MAP3K15: variants seen among roughly 807,000 people sequenced by gnomAD.
MAP3K15 encodes mitogen-activated protein kinase kinase kinase 15.
Under a neutral mutation model 99.5 loss-of-function variants are expected in MAP3K15, and 124 were observed. That is an observed-to-expected ratio of 1.25 (90% CI 1.08 to 1.45). The LOEUF (loss-of-function observed/expected upper bound fraction) is 1.45, where lower values mean the gene tolerates loss of function less well. Ranked by LOEUF, MAP3K15 falls within the 40% of genes most tolerant of loss-of-function variation. The probability of loss-of-function intolerance (pLI) is 0.00; values close to 1 mark genes in which losing one functional copy is unlikely to be tolerated. For synonymous variants in MAP3K15, 494 were observed against 439.6 expected (o/e 1.12, Z -1.55); for missense variants, 1,242 against 1,079.7 (o/e 1.15, Z -2.11).
At chrX:19,416,158 C>T (rs2063732710) in intron 9 of MAP3K15, among the ~76,000 whole-genome samples, 1 of 111,277 alleles carries the variant, frequency 9.0e-6, no homozygotes, top group Non-Finnish European at 1.9e-5. Flanking sequence ...TGGTGAAATC[C>T]TGTCTCTACT....
chrX:19,447,745 G>A (rs758187711), intron 6 of MAP3K15, among the ~76,000 whole-genome samples: 109 of 95,589 alleles, frequency 1.1e-3, no homozygotes, highest in Non-Finnish European at 1.8e-3. Context: ...TTAGCCGGGC[G>A]TAGTGGCGGG....
chrX:19,447,019 G>C (rs945387208), intron 6 of MAP3K15, among the ~76,000 whole-genome samples: 1 of 110,829 alleles, frequency 9.0e-6, no homozygotes, highest in Non-Finnish European at 1.9e-5. Flanking sequence ...GGGCTCATGC[G>C]CTACTCCTGC....
intron 4 of MAP3K15, among the ~76,000 whole-genome samples, chrX:19,463,327 T>G (rs1425723808): frequency 1.8e-5 from 2 of 111,655 alleles, no homozygotes; most frequent in Admixed American, 1.9e-4. Flanking sequence ...AACACTACAA[T>G]AGAACACTCC....
At chrX:19,368,528 T>C (rs2063351377) in intron 25 of MAP3K15, among the ~76,000 whole-genome samples, 1 of 112,901 alleles carries the variant, frequency 8.9e-6, no homozygotes, top group Non-Finnish European at 1.9e-5. Context: ...GATGCCAGGG[T>C]TCCCTGGTTG....
In MAP3K15 at chrX:19,431,470, T is replaced by G; in HGVS notation, c.1134A>C (p.Lys378Asn). Residue 378 changes from lysine (K) to asparagine (N), a missense_variant, in exon 7 of 29, where the codon AAA becomes AAC. Transcript: ENST00000338883. ...YKDIFLDSDC[K>N]DDTSRDSAIE... ...TGGCGCTGTCGCGGCTGGTGTCATC[T>G]TTGCAGTCTGAATCCAAGAAGATGT... 8.3e-7 allele frequency: 1 copy of G among 1,200,285 alleles called. No homozygotes were observed.
intron 11 of MAP3K15, 129 bp downstream of exon 11, chrX:19,413,228 T>A: frequency 2.0e-6 from 1 of 490,423 alleles, no homozygotes; most frequent in Non-Finnish European, 3.5e-6. Flanking sequence ...GTCTCTCATC[T>A]GTGATGATAC....
chrX:19,410,821 A>G (rs774878509), intron 11 of MAP3K15, among the ~76,000 whole-genome samples: 11 of 111,859 alleles, frequency 9.8e-5, no homozygotes, highest in African/African-American at 3.6e-4. Context: ...CTGAAACTCC[A>G]GTTTTGGAAA....
At chrX:19,443,589 G>T (rs1387845334) in intron 6 of MAP3K15, among the ~76,000 whole-genome samples, 1 of 112,104 alleles carries the variant, frequency 8.9e-6, no homozygotes, top group East Asian at 2.8e-4. Context: ...GCTTTTCTCA[G>T]AAAGAGACAC....
intron 1 of MAP3K15, chrX:19,497,201 G>A (rs1488511840): frequency 5.2e-5 from 5 of 95,452 alleles, no homozygotes; most frequent in African/African-American, 8.2e-5. Context: ...TCACTCTGTT[G>A]CCCAGGCTGG....
intron 3 of MAP3K15, among the ~76,000 whole-genome samples, chrX:19,471,951 G>A (rs369391483): frequency 1.8e-5 from 2 of 111,680 alleles, no homozygotes; most frequent in East Asian, 2.8e-4. Context: ...GGCCGGGCGC[G>A]GTGGCTCACG....
In MAP3K15 at chrX:19,461,608, A is replaced by G. The variant is rs1056565725; in HGVS notation, c.720-1455T>C. Among the ~76,000 whole-genome samples the G allele has an allele frequency of 3.6e-5, 4 of 112,177 alleles. No individual in the cohort carries two copies. The East Asian group carries it at 1.1e-3, about 31-fold the overall frequency. On this transcript the variant is annotated intron_variant, in intron 4 of 28. Coordinates refer to ENST00000338883, the MANE Select transcript of MAP3K15 (RefSeq NM_001001671.4). ...ATAAGTTGAGTTACAACAACCATAG[A>G]TTGATTTAAAATATCTTGTCTATTT...
chrX:19,402,967 T>C (rs748918194), intron 13 of MAP3K15, among the ~76,000 whole-genome samples: 1 of 111,791 alleles, frequency 8.9e-6, no homozygotes, highest in East Asian at 2.8e-4. Context: ...TGCCCAGCTA[T>C]GAATATTATT....
chrX:19,419,170 T>C (rs1295414619), intron 9 of MAP3K15, among the ~76,000 whole-genome samples: 1 of 111,699 alleles, frequency 9.0e-6, no homozygotes, highest in Non-Finnish European at 1.9e-5. Flanking sequence ...AATGACAGAA[T>C]CAAATTCACA....
Position 19,515,129 on chromosome X carries a change from C to T in MAP3K15, c.133G>A (p.Ala45Thr). The change falls in exon 1 of 29, where the codon GCA becomes ACA. Residue 45 changes from alanine to threonine, a missense_variant. Coordinates refer to ENST00000338883, the MANE Select transcript of MAP3K15 (RefSeq NM_001001671.4). ...CTCTCGCCCTCGCCGCTGCCGCCTG[C>T]CGCGCCCTCCGCCGCCCCGTCGGGC... is the stretch of plus-strand genomic sequence containing the variant. Reference protein sequence around the residue: ...AEPDGAAEGAAGGSGEGESGG... With the variant: ...AEPDGAAEGATGGSGEGESGG... 2.5e-6 allele frequency: 2 copies of T among 792,453 alleles called. No individual in the cohort carries two copies. The highest frequency in any genetic ancestry group is 5.7e-5 in the South Asian group (1 of 17,695). 65.3% of individuals were successfully genotyped at this position (792,453 alleles called of 1,213,427 possible).
chrX:19,491,567 G>A (rs1250832664), intron 1 of MAP3K15, among the ~76,000 whole-genome samples: 1 of 110,838 alleles, frequency 9.0e-6, no homozygotes, highest in African/African-American at 3.3e-5. Context: ...AAGCCAGGGT[G>A]TAAGTGTGAA....
Position 19,370,996 on chromosome X carries a change from G to A in MAP3K15, c.3363C>T (p.Arg1121=), listed in dbSNP as rs2063370560. The A allele has an allele frequency of 8.5e-7, 1 of 1,171,904 alleles. No individual in the cohort carries two copies. Among genetic ancestry groups the A allele is most frequent in the African/African-American group, 1.9e-5 (1 of 53,844 alleles). Residue 1121 remains arginine, a synonymous_variant, in exon 24 of 29, where the codon CGC becomes CGT. Coordinates refer to ENST00000338883, the MANE Select transcript of MAP3K15 (RefSeq NM_001001671.4). ...TGGTGACCGCGGCCTGCACCGCTCG[G>A]CGGATGATGTTGTCCATCGCGAACA... is the stretch of plus-strand genomic sequence containing the variant. The part of the protein sequence containing the change: ...HWMFAMDNII[R]RAVQAAVTIL...
intron 1 of MAP3K15, among the ~76,000 whole-genome samples, chrX:19,506,757 C>T (rs755962725): frequency 8.9e-6 from 1 of 111,778 alleles, no homozygotes; most frequent in Non-Finnish European, 1.9e-5. Flanking sequence ...CTCCTGACCT[C>T]CAATGATCCG....
intron 6 of MAP3K15, among the ~76,000 whole-genome samples, chrX:19,451,511 G>A (rs2064038859): frequency 9.3e-6 from 1 of 107,417 alleles, no homozygotes; most frequent in African/African-American, 3.4e-5. Flanking sequence ...AAAAAATTGG[G>A]CAAAGAACTT....
chrX:19,431,563 G>A lies in MAP3K15; in HGVS notation c.1041C>T (p.Leu347=), dbSNP rs1406886907. The A allele has an allele frequency of 2.5e-6, 3 of 1,199,537 alleles. No homozygotes were observed. In the South Asian group the frequency reaches 5.3e-5, roughly 21 times the overall value. Reference sequence around the variant, plus strand: ...GGTGATCACAGCTCTGCAGAACCTGGAGCATGATCTGCAGAGCCTTCTCAC... The same window carrying A: ...GGTGATCACAGCTCTGCAGAACCTGAAGCATGATCTGCAGAGCCTTCTCAC... ...GDREKALQIM[L]QVLQSCDHPG... is the part of the protein sequence containing the mutation. The change falls in exon 7 of 29, where the codon CTC becomes CTT. Residue 347 remains leucine (L), a synonymous_variant. Transcript: ENST00000338883.
Sources: gnomAD v4.1 joint callset for allele counts (sites outside exome capture counted in the v4.1 genomes callset) on GRCh38, gnomAD v4.1.1 for gene constraint, MANE v1.5 for transcripts, NCBI Gene and HGNC (gene_info 2026-07-23, HGNC 2026-07-21) for gene names.